OTOGL: variants seen among roughly 807,000 people sequenced by gnomAD.
OTOGL encodes otogelin-like protein.
A neutral mutation model predicts 318.5 loss-of-function variants in OTOGL; 285 were observed. That is an observed-to-expected ratio of 0.89 (90% CI 0.81 to 0.99). The LOEUF is 0.99. Among genes scored for constraint, OTOGL ranks in the 50% least tolerant of loss-of-function variants. The probability of loss-of-function intolerance (pLI) is 0.00; values close to 1 mark genes in which losing one functional copy is unlikely to be tolerated. For synonymous variants in OTOGL, 987 were observed against 936.5 expected (o/e 1.05, Z -0.99); for missense variants, 2,899 against 2,845.6 (o/e 1.02, Z -0.43).
intron 24 of OTOGL, among the ~76,000 whole-genome samples, chr12:80,273,840 A>C (rs957163618): frequency 6.6e-6 from 1 of 152,010 alleles, no homozygotes; most frequent in East Asian, 1.9e-4. Flanking sequence ...TAATTTTTGC[A>C]ATATTTCAGA....
At chr12:80,339,298 G>GTTTTTTTTTTTT (rs10715159) in intron 43 of OTOGL, 34 bp downstream of exon 43, 242 of 538,052 alleles carry the variant, frequency 4.5e-4, no homozygotes, top group South Asian at 1.9e-3. Flanking sequence ...GATTTCGTCT[G>GTTTTTTTTTTTT]TTTTTTTTTT....
rs191209737 is a variant in OTOGL, at chr12:80,269,976, T to C, written c.2466-126T>C. On this transcript the variant is annotated intron_variant, in intron 22 of 58. Transcript: ENST00000547103. ...ACCCAACAGCTTGTAAAAACTTCTG[T>C]GGGAAAAATAACATTTGTATAATGT... 6.5e-4 allele frequency: 512 copies of C among 787,430 alleles called. 4 individuals are homozygous for C. In the African/African-American group the frequency reaches 8.4e-3, roughly 13 times the overall value. 48.8% of individuals were successfully genotyped at this position (787,430 alleles called of 1,614,324 possible). A position where few individuals can be genotyped will look rare whatever the true frequency, so the allele number is the denominator to read the frequency against.
Position 80,149,344 on chromosome 12 carries a change from G to T in OTOGL, c.-20+49739G>T, listed in dbSNP as rs1052547964. ...GGTGTCAGTGTGCCCCTGCTGGGGG[G>T]TGCCTCCCAGTTAGGCTGCTCGGGG... is the stretch of plus-strand genomic sequence containing the variant. On this transcript the variant is annotated intron_variant, in intron 1 of 58. Coordinates refer to ENST00000547103, the MANE Select transcript of OTOGL (RefSeq NM_001378609.3). Among the ~76,000 whole-genome samples the T allele has an allele frequency of 2.6e-5, 4 of 151,992 alleles. No homozygotes were observed. In the East Asian group the frequency reaches 5.9e-4, roughly 22 times the overall value.
At chr12:80,295,144 T>C (rs911705550) in intron 26 of OTOGL, among the ~76,000 whole-genome samples, 2 of 143,336 alleles carry the variant, frequency 1.4e-5, no homozygotes, top group Admixed American at 1.4e-4. Context: ...ACACAAACTG[T>C]ATGATTGCCG....
At chr12:80,222,693 A>G (rs1477532995) in intron 7 of OTOGL, among the ~76,000 whole-genome samples, 2 of 152,202 alleles carry the variant, frequency 1.3e-5, no homozygotes, top group Non-Finnish European at 2.9e-5. Context: ...TAAGGATGTC[A>G]GGGACCTCTT....
At chr12:80,104,229 G>A (rs1869315212) in intron 1 of OTOGL, among the ~76,000 whole-genome samples, 1 of 152,208 alleles carries the variant, frequency 6.6e-6, no homozygotes, top group Non-Finnish European at 1.5e-5. Context: ...AAATGCAGTA[G>A]ACTTGTGATG....
At chr12:80,149,419 G>A (rs1356955010) in intron 1 of OTOGL, among the ~76,000 whole-genome samples, 1 of 152,202 alleles carries the variant, frequency 6.6e-6, no homozygotes, top group Non-Finnish European at 1.5e-5. Flanking sequence ...GAGGCAGTCT[G>A]CCCGTTCTCA....
chr12:80,185,322 G>T (rs1386259884), intron 1 of OTOGL, among the ~76,000 whole-genome samples: 2 of 152,006 alleles, frequency 1.3e-5, no homozygotes, highest in Admixed American at 6.6e-5. Flanking sequence ...TCCCTCTGTT[G>T]CCCAGTCTGG....
At chr12:80,330,933 A>G (rs1372149649) in intron 37 of OTOGL, among the ~76,000 whole-genome samples, 1 of 152,226 alleles carries the variant, frequency 6.6e-6, no homozygotes, top group Non-Finnish European at 1.5e-5. Flanking sequence ...AGAAGTGTAA[A>G]ATTTGTACCA....
In OTOGL at chr12:80,183,564, C is replaced by T. The variant is rs542856451; in HGVS notation, c.-19-25849C>T. The stretch of plus-strand genomic sequence containing the variant: ...TAGTCTTTGTGGACTTACCTATAGG[C>T]AATTAAATGTGTTGATCTGGAGCTC... On this transcript the variant is annotated intron_variant, in intron 1 of 58. Coordinates refer to ENST00000547103, the MANE Select transcript of OTOGL (RefSeq NM_001378609.3). Among the ~76,000 whole-genome samples, 8 of 152,230 alleles carry T rather than the reference C, an allele frequency of 5.3e-5. No individual in the cohort carries two copies. The South Asian group carries it at 1.7e-3, about 32-fold the overall frequency.
intron 7 of OTOGL, among the ~76,000 whole-genome samples, chr12:80,228,547 C>T (rs1462903890): frequency 6.6e-6 from 1 of 152,090 alleles, no homozygotes; most frequent in Non-Finnish European, 1.5e-5. Context: ...CACTTTTAGG[C>T]TTAGAAAGTT....
Position 80,355,850 on chromosome 12 carries a change from C to T in OTOGL, c.5708C>T (p.Pro1903Leu). Residue 1903 changes from proline to leucine, a missense_variant, in exon 47 of 59, where the codon CCT (proline) becomes CTT (leucine). Pro to Leu is a moderately conservative substitution (Grantham distance 98). Transcript: ENST00000547103. ...LENGSIIPIE[P>L]DCDEEPTPVC... ...AATGGAAGCATTATCCCTATAGAAC[C>T]TGACTGTGATGAAGAGCCCACGCCA... The T allele has an allele frequency of 6.2e-7, 1 of 1,613,900 alleles. No individual in the cohort carries two copies. The highest frequency in any genetic ancestry group is 1.1e-5 in the South Asian group (1 of 91,080).
chr12:80,149,771 T>C (rs1177760658), intron 1 of OTOGL, among the ~76,000 whole-genome samples: 1 of 152,204 alleles, frequency 6.6e-6, no homozygotes, highest in African/African-American at 2.4e-5. Flanking sequence ...AATCTTGTGG[T>C]GCACCGTTTT....
intron 1 of OTOGL, among the ~76,000 whole-genome samples, chr12:80,180,415 C>G (rs1874838816): frequency 1.3e-5 from 2 of 152,156 alleles, no homozygotes; most frequent in Non-Finnish European, 2.9e-5. Flanking sequence ...ATATCAAAAG[C>G]CCATGGGCAA....
chr12:80,291,199 C>T (rs1885020392), intron 26 of OTOGL, among the ~76,000 whole-genome samples: 1 of 152,104 alleles, frequency 6.6e-6, no homozygotes, highest in Non-Finnish European at 1.5e-5. Flanking sequence ...ATGGACAAGG[C>T]CAGAAACTAA....
intron 13 of OTOGL, among the ~76,000 whole-genome samples, 175 bp downstream of exon 13, chr12:80,252,376 T>C (rs1190651219): frequency 1.3e-5 from 2 of 152,232 alleles, no homozygotes; most frequent in African/African-American, 4.8e-5. Context: ...TTTTCATTGA[T>C]AAAAGGCTCA....
At position 80,266,607 on chromosome 12, in the gene OTOGL, G is replaced by T. The variant is rs1234252111; in HGVS notation, c.2381G>T (p.Cys794Phe). ...TTCTATGAAGACACTCTTAACTTTT[G>T]TGTACCCATGTAAGTCGTAGAAACA... is the stretch of plus-strand genomic sequence containing the variant. ...GKFYEDTLNF[C>F]VPIFHCRCHY... The change falls in exon 21 of 59, where the codon TGT (cysteine) becomes TTT (phenylalanine). Residue 794 changes from cysteine (C) to phenylalanine (F), a missense_variant. Cys to Phe is a radical substitution (Grantham distance 205). Coordinates refer to ENST00000547103, the MANE Select transcript of OTOGL (RefSeq NM_001378609.3). The T allele has an allele frequency of 1.2e-6, 2 of 1,612,826 alleles. No individual in the cohort carries two copies. Among genetic ancestry groups the T allele is most frequent in the Admixed American group, 1.7e-5 (1 of 59,838 alleles).
At chr12:80,108,690 T>C (rs1869601236) in intron 1 of OTOGL, among the ~76,000 whole-genome samples, 1 of 149,818 alleles carries the variant, frequency 6.7e-6, no homozygotes, top group Non-Finnish European at 1.5e-5. Flanking sequence ...CTGACATTCT[T>C]CTATAAAGAC....
chr12:80,194,667 A>G (rs1283385819), intron 1 of OTOGL, among the ~76,000 whole-genome samples: 2 of 152,224 alleles, frequency 1.3e-5, no homozygotes, highest in African/African-American at 2.4e-5. Context: ...ATAACATTAT[A>G]CTAGAGAGCG....
Sources: gnomAD v4.1 joint callset for allele counts (sites outside exome capture counted in the v4.1 genomes callset) on GRCh38, gnomAD v4.1.1 for gene constraint, MANE v1.5 for transcripts, NCBI Gene and HGNC (gene_info 2026-07-23, HGNC 2026-07-21) for gene names.